Variants in CEP131 observed in about 807,000 individuals in gnomAD.
The protein encoded by CEP131 is centrosomal protein 131.
Under a neutral mutation model 136.8 loss-of-function variants are expected in CEP131, and 99 were observed. The ratio of observed to expected loss-of-function variants is 0.72; its 90% CI spans 0.62 to 0.86. The LOEUF is 0.86. Ranked by LOEUF, CEP131 falls within the 40% of genes least tolerant of loss-of-function variation. CEP131 has a pLI of 0.00. For synonymous variants in CEP131, 646 were observed against 612.7 expected (o/e 1.05, Z -0.80); for missense variants, 1,459 against 1,463.0 (o/e 1.00, Z 0.04).
intron 5 of CEP131, 87 bp downstream of exon 5, chr17:81,206,657 G>T (rs895753397): frequency 1.3e-6 from 2 of 1,483,154 alleles, no homozygotes; most frequent in African/African-American, 1.4e-5. Context: ...CACCCTGAAC[G>T]AGCCATAAAC....
In CEP131 at chr17:81,195,188, C is replaced by A. The variant is rs537468678; in HGVS notation, c.2017-216G>T. On this transcript the variant is annotated intron_variant, in intron 16 of 25. Transcript: ENST00000450824. ...CCCACCCTGCCACACACCTTGGTGG[C>A]CTGAGACATGGGAGGGCAGCCATCA... Among the ~76,000 whole-genome samples, 19 of 152,284 alleles carry A rather than the reference C, an allele frequency of 1.2e-4. No homozygotes were observed. In the East Asian group the frequency reaches 3.7e-3, roughly 30 times the overall value.
rs200658151 is a variant in CEP131, at chr17:81,197,760, C to T, written c.1599G>A (p.Leu533=). Residue 533 remains leucine (L), a synonymous_variant, in exon 13 of 26, where the codon TTG becomes TTA. Transcript: ENST00000450824. ...EAKLQSIMSF[L]DEMEKSGQDQ... ...CCTGCCCAGACTTCTCCATCTCGTC[C>T]AAGAAGCTCATGATGCTTTGTAGCT... The T allele has an allele frequency of 1.2e-5, 19 of 1,613,130 alleles. No individual in the cohort carries two copies. The African/African-American group carries it at 1.9e-4, about 16-fold the overall frequency.
At chr17:81,192,967 G>A in intron 18 of CEP131, 124 bp from the exon 19 acceptor site, 1 of 1,429,314 alleles carries the variant, frequency 7.0e-7, no homozygotes, top group Non-Finnish European at 9.3e-7. Flanking sequence ...CCGGGGCCCT[G>A]CCCCTCCCCC....
intron 2 of CEP131, among the ~76,000 whole-genome samples, chr17:81,213,484 G>A (rs1205830984): frequency 1.3e-5 from 2 of 152,056 alleles, no homozygotes; most frequent in African/African-American, 2.4e-5. Context: ...GCTTGAACCC[G>A]GGAGGCGGAG....
chr17:81,199,927 C>T (rs1313434962), intron 8 of CEP131, 92 bp from the exon 9 acceptor site: 2 of 1,309,046 alleles, frequency 1.5e-6, no homozygotes, highest in African/African-American at 2.9e-5. Context: ...CCTGGAGTCC[C>T]CTAGAGTTCG....
intron 12 of CEP131, 64 bp from the exon 13 acceptor site, chr17:81,197,952 G>C (rs879050260): frequency 6.4e-7 from 1 of 1,562,008 alleles, no homozygotes; most frequent in South Asian, 1.2e-5. Flanking sequence ...GTTCCCCAAA[G>C]GCAGAGGTGG....
chr17:81,197,626 A>G, intron 13 of CEP131, 86 bp downstream of exon 13: 1 of 1,484,312 alleles, frequency 6.7e-7, no homozygotes. Context: ...CGGGCTGGTG[A>G]GGGGCCTCCT....
At chr17:81,205,376 C>CAAG (rs1415930992) in intron 5 of CEP131, among the ~76,000 whole-genome samples, 4 of 116,912 alleles carry the variant, frequency 3.4e-5, no homozygotes, top group East Asian at 6.2e-4. Flanking sequence ...GGAGGGGCAG[C>CAAG]AGTGGGGTAG....
At chr17:81,211,588 AG>A (rs1305338903) in intron 2 of CEP131, among the ~76,000 whole-genome samples, 1 of 152,208 alleles carries the variant, frequency 6.6e-6, no homozygotes, top group Admixed American at 6.5e-5. Flanking sequence ...CAAGTCCCTG[AG>A]GAAAGTGCCT....
chr17:81,210,974 G>C (rs1295258774), intron 2 of CEP131, among the ~76,000 whole-genome samples: 1 of 152,136 alleles, frequency 6.6e-6, no homozygotes, highest in East Asian at 1.9e-4. Flanking sequence ...AGCCCAGCTC[G>C]GCGGCAGCAG....
chr17:81,206,787 C>T lies in CEP131; in HGVS notation c.472G>A (p.Glu158Lys). 1 of 1,614,150 alleles carries T rather than the reference C, an allele frequency of 6.2e-7. No homozygotes were observed. The highest frequency in any genetic ancestry group is 2.2e-5 in the East Asian group (1 of 44,890). The part of the protein sequence containing the change: ...LDSPAGPRRK[E>K]CTVALAPNFT... ...TTGGGGGCCAGGGCCACGGTGCATT[C>T]TTTCCTCCGCGGGCCCGCTGGTGAG... The change falls in exon 5 of 26, where the codon GAA (glutamate) becomes AAA (lysine). Residue 158 changes from glutamate (E) to lysine (K), a missense_variant. This residue lies in a region of CEP131 where 246 missense variants were observed against 318.9 expected (regional missense o/e 0.77). Transcript: ENST00000450824.
At chr17:81,192,975 C>T (rs1555608535) in intron 18 of CEP131, 132 bp from the exon 19 acceptor site, 1 of 1,403,744 alleles carries the variant, frequency 7.1e-7, no homozygotes, top group African/African-American at 1.4e-5. Flanking sequence ...CTGCCCCTCC[C>T]CCTCGGCAGT....
intron 7 of CEP131, among the ~76,000 whole-genome samples, chr17:81,200,711 C>A (rs1298011090): frequency 6.6e-6 from 1 of 152,182 alleles, no homozygotes; most frequent in African/African-American, 2.4e-5. Flanking sequence ...GCCTGTGTGG[C>A]CTTATTTACA....
At position 81,202,368 on chromosome 17, in the gene CEP131, G is replaced by T. The variant is rs529246864; in HGVS notation, c.660C>A (p.Gly220=). ...GCTTCCCAAAGCCGCTGCTCTCACT[G>T]CCCTCACAGGTGGCTGCCTTGATGA... The part of the protein sequence containing the change: ...NNIIKAATCE[G]SESSGFGKLP... The change falls in exon 7 of 26, where the codon GGC becomes GGA. Residue 220 remains glycine (G), a synonymous_variant. Transcript: ENST00000450824. The T allele has an allele frequency of 1.2e-6, 2 of 1,613,448 alleles. No individual in the cohort carries two copies. The highest frequency in any genetic ancestry group is 1.7e-6 in the Non-Finnish European group (2 of 1,179,894).
At chr17:81,194,277 G>A in intron 17 of CEP131, 150 bp from the exon 18 acceptor site, 1 of 720,762 alleles carries the variant, frequency 1.4e-6, no homozygotes. Context: ...GCTGAGTCTT[G>A]ACGCCCACGA....
At position 81,192,465 on chromosome 17, in the gene CEP131, C is replaced by G; in HGVS notation, c.2547+11G>C. The G allele has an allele frequency of 1.2e-6, 2 of 1,611,968 alleles. No homozygotes were observed. Among genetic ancestry groups the G allele is most frequent in the Non-Finnish European group, 1.7e-6 (2 of 1,179,818 alleles). The stretch of plus-strand genomic sequence containing the variant: ...CCTGGCCAGGCCCAGCACAGCCCTC[C>G]GGTGGTAGACCTGGTGCCGGCGCTC... On this transcript the variant is annotated intron_variant, in intron 20 of 25. Transcript: ENST00000450824.
intron 21 of CEP131, 134 bp downstream of exon 21, chr17:81,192,184 C>T: frequency 1.3e-6 from 1 of 762,812 alleles, no homozygotes; most frequent in South Asian, 1.7e-5. Context: ...CAACCCCAAG[C>T]AGCCAGATGT....
intron 2 of CEP131, among the ~76,000 whole-genome samples, chr17:81,212,372 G>A (rs1313184415): frequency 1.3e-5 from 2 of 151,870 alleles, no homozygotes; most frequent in Non-Finnish European, 2.9e-5. Context: ...CTCACTCACA[G>A]ATGTTAAGTT....
intron 1 of CEP131, among the ~76,000 whole-genome samples, chr17:81,221,849 G>A (rs936450970): frequency 6.6e-6 from 1 of 152,116 alleles, no homozygotes. Context: ...TGCCACGGTG[G>A]CCTCCAGTAG....
Sources: allele counts gnomAD v4.1 joint callset (sites outside exome capture counted in the v4.1 genomes callset), GRCh38; gene constraint gnomAD v4.1.1; regional missense constraint gnomAD v4.1.1; transcripts MANE v1.5; gene names NCBI Gene and HGNC (gene_info 2026-07-23, HGNC 2026-07-21).